PLEKHA2: variants seen among roughly 807,000 people sequenced by gnomAD.
PLEKHA2 encodes the protein pleckstrin homology domain-containing family A member 2.
In PLEKHA2, 28 loss-of-function variants were observed where a neutral mutation model predicts 53.2. The observed-to-expected ratio is 0.53, with a 90% CI of 0.39 to 0.72. The LOEUF (loss-of-function observed/expected upper bound fraction) is 0.72, where lower values mean the gene tolerates loss of function less well. Among genes scored for constraint, PLEKHA2 ranks in the 30% least tolerant of loss-of-function variants. The pLI, the probability that PLEKHA2 is intolerant of heterozygous loss-of-function variation, is 0.00. For synonymous variants in PLEKHA2, 193 were observed against 196.4 expected (o/e 0.98, Z 0.14); for missense variants, 426 against 537.9 (o/e 0.79, Z 2.06).
chr8:38,962,727 G>A (rs974512028), intron 10 of PLEKHA2, among the ~76,000 whole-genome samples: 1 of 152,244 alleles, frequency 6.6e-6, no homozygotes, highest in African/African-American at 2.4e-5. Flanking sequence ...TGAGAAATGT[G>A]GTGCAAACTG....
At chr8:38,942,339 G>A (rs2129420486) in intron 3 of PLEKHA2, among the ~76,000 whole-genome samples, 1 of 152,250 alleles carries the variant, frequency 6.6e-6, no homozygotes, top group Non-Finnish European at 1.5e-5. Flanking sequence ...AGAAGTCGAG[G>A]CTGCAGTGAG....
chr8:38,915,570 C>T lies in PLEKHA2; in HGVS notation c.-23-2337C>T, dbSNP rs569676418. Reference sequence around the variant, plus strand: ...GCCCATGCCAATGACATCATGCTAACTCCGTCACCTCTTTAAAGACCCTGT... The same window carrying T: ...GCCCATGCCAATGACATCATGCTAATTCCGTCACCTCTTTAAAGACCCTGT... On this transcript the variant is annotated intron_variant, in intron 1 of 11. Transcript: ENST00000617275. 5.9e-5 allele frequency among the ~76,000 whole-genome samples: 9 copies of T among 152,356 alleles called. No individual in the cohort carries two copies. The East Asian group carries it at 1.4e-3, about 23-fold the overall frequency.
chr8:38,935,117 G>C (rs1008224171), intron 2 of PLEKHA2, among the ~76,000 whole-genome samples: 1 of 152,102 alleles, frequency 6.6e-6, no homozygotes, highest in Admixed American at 6.6e-5. Flanking sequence ...AGGTTCAAGC[G>C]ATTCTCCTGC....
chr8:38,915,561 T>C (rs1834045076), intron 1 of PLEKHA2, among the ~76,000 whole-genome samples: 1 of 152,226 alleles, frequency 6.6e-6, no homozygotes, highest in African/African-American at 2.4e-5. Context: ...GCCAATGACA[T>C]CATGCTAACT....
intron 1 of PLEKHA2, among the ~76,000 whole-genome samples, chr8:38,905,196 T>C (rs1833851497): frequency 6.6e-6 from 1 of 152,126 alleles, no homozygotes; most frequent in Admixed American, 6.6e-5. Flanking sequence ...GTGGCTCATC[T>C]CTGTAATCCC....
chr8:38,958,327 A>G (rs1834978619), intron 10 of PLEKHA2, among the ~76,000 whole-genome samples: 2 of 151,764 alleles, frequency 1.3e-5, no homozygotes, highest in African/African-American at 4.8e-5. Context: ...TGTCTCAAAA[A>G]AAAGGGAAAC....
intron 10 of PLEKHA2, among the ~76,000 whole-genome samples, chr8:38,961,743 C>A (rs1387091999): frequency 6.6e-6 from 1 of 152,072 alleles, no homozygotes; most frequent in East Asian, 1.9e-4. Context: ...GACCAAAGAG[C>A]AGGGCAGATC....
At chr8:38,904,937 T>A (rs994843900) in intron 1 of PLEKHA2, among the ~76,000 whole-genome samples, 1 of 152,240 alleles carries the variant, frequency 6.6e-6, no homozygotes, top group South Asian at 2.1e-4. Flanking sequence ...ACACATTATT[T>A]CATTTAATCC....
chr8:38,925,512 C>CA (rs1834270417), intron 2 of PLEKHA2, among the ~76,000 whole-genome samples: 1 of 152,064 alleles, frequency 6.6e-6, no homozygotes, highest in Non-Finnish European at 1.5e-5. Flanking sequence ...CCTCTTTTTC[C>CA]AAAAAATACG....
chr8:38,968,288 G>C (rs1379719990), intron 10 of PLEKHA2, among the ~76,000 whole-genome samples: 1 of 152,178 alleles, frequency 6.6e-6, no homozygotes, highest in East Asian at 1.9e-4. Flanking sequence ...GACTGGATCA[G>C]TTGTTTTCTG....
intron 10 of PLEKHA2, 143 bp downstream of exon 10, chr8:38,957,529 TC>T: frequency 1.5e-6 from 1 of 655,622 alleles, no homozygotes; most frequent in Non-Finnish European, 2.6e-6. Context: ...TCAGTCTGAG[TC>T]CCATTTCATC....
intron 10 of PLEKHA2, among the ~76,000 whole-genome samples, chr8:38,967,962 A>C (rs1835172184): frequency 6.6e-6 from 1 of 152,152 alleles, no homozygotes; most frequent in South Asian, 2.1e-4. Flanking sequence ...CGCTTGGCCT[A>C]CACTTTTTAA....
intron 2 of PLEKHA2, among the ~76,000 whole-genome samples, chr8:38,926,192 A>G (rs1834285583): frequency 6.6e-6 from 1 of 152,092 alleles, no homozygotes; most frequent in African/African-American, 2.4e-5. Context: ...TGATATCTTA[A>G]CTATCCATGT....
At chr8:38,961,155 A>G (rs1835033249) in intron 10 of PLEKHA2, among the ~76,000 whole-genome samples, 1 of 152,208 alleles carries the variant, frequency 6.6e-6, no homozygotes, top group African/African-American at 2.4e-5. Flanking sequence ...CTCAAAGCTT[A>G]CTCATTTTGG....
chr8:38,930,093 C>T (rs1372308862), intron 2 of PLEKHA2, among the ~76,000 whole-genome samples: 1 of 152,170 alleles, frequency 6.6e-6, no homozygotes, highest in African/African-American at 2.4e-5. Context: ...ATATTTTCCC[C>T]CCTGGGGAGC....
At chr8:38,953,774 T>C (rs1834888607) in intron 9 of PLEKHA2, among the ~76,000 whole-genome samples, 1 of 152,210 alleles carries the variant, frequency 6.6e-6, no homozygotes, top group African/African-American at 2.4e-5. Context: ...ACTGTACTAG[T>C]GCCTCTTCCC....
At chr8:38,917,659 G>T (rs751728773) in intron 1 of PLEKHA2, among the ~76,000 whole-genome samples, 3 of 152,198 alleles carry the variant, frequency 2.0e-5, no homozygotes, top group Non-Finnish European at 4.4e-5. Flanking sequence ...TCTCCTCTAT[G>T]GATGTAAAGT....
At chr8:38,944,653 G>T (rs1464222971) in intron 4 of PLEKHA2, among the ~76,000 whole-genome samples, 3 of 152,102 alleles carry the variant, frequency 2.0e-5, no homozygotes, top group African/African-American at 7.2e-5. Context: ...CATGGGGGAT[G>T]GTGTTAAACC....
rs756140118 is a variant in PLEKHA2, at chr8:38,917,903, G to A, written c.-23-4G>A. 2.5e-6 allele frequency: 4 copies of A among 1,611,534 alleles called. No individual in the cohort carries two copies. Among genetic ancestry groups the A allele is most frequent in the African/African-American group, 1.3e-5 (1 of 74,948 alleles). ...TCTCATCAGCACCTCCCTCCTGCGC[G>A]CAGGGTGATGTGAGCAGAGCCCAGG... On this transcript the variant is annotated splice_region_variant and splice_polypyrimidine_tract_variant and intron_variant, in intron 1 of 11. Transcript: ENST00000617275.
Sources: allele counts gnomAD v4.1 joint callset (sites outside exome capture counted in the v4.1 genomes callset), GRCh38; gene constraint gnomAD v4.1.1; transcripts MANE v1.5; gene names NCBI Gene and HGNC (gene_info 2026-07-23, HGNC 2026-07-21).